The following EMSY variants were observed in gnomAD, a reference collection of about 807,000 sequenced individuals.
EMSY encodes BRCA2-interacting transcriptional repressor EMSY.
A neutral mutation model predicts 134.6 loss-of-function variants in EMSY; 26 were observed. The observed-to-expected ratio is 0.19, with a 90% CI of 0.14 to 0.27. The LOEUF (loss-of-function observed/expected upper bound fraction) is 0.27, where lower values mean the gene tolerates loss of function less well. Among genes scored for constraint, EMSY ranks in the 10% least tolerant of loss-of-function variants. The pLI is 1.00. For synonymous variants in EMSY, 579 were observed against 577.8 expected, an observed-to-expected ratio of 1.00 and a Z score of -0.03; for missense variants, 1,305 against 1,611.4, an observed-to-expected ratio of 0.81 and a Z score of 3.26.
At chr11:76,528,280 C>T (rs2136368945) in exon 14 of EMSY, 2 of 1,613,354 alleles carry the variant, frequency 1.2e-6, no homozygotes, top group Non-Finnish European at 1.7e-6. Context: ...TCTTATTAAA[C>T]CCAAACCAGT....
In EMSY at chr11:76,516,135, T is replaced by C; in HGVS notation, c.1514-7T>C. 1.2e-6 allele frequency: 2 copies of C among 1,606,922 alleles called. No homozygotes were observed. The highest frequency in any genetic ancestry group is 1.7e-6 in the Non-Finnish European group (2 of 1,177,104). On this transcript the variant is annotated splice_polypyrimidine_tract_variant and splice_region_variant and intron_variant, in intron 10 of 20. Transcript: ENST00000334736. ...AAGTTTTTCTTTTGGCTTTTCCCTT[T>C]CTGTAGGCACACAAGCAACCTATAC...
chr11:76,514,971 C>CT (rs949957868), intron 10 of EMSY, among the ~76,000 whole-genome samples: 4 of 151,100 alleles, frequency 2.6e-5, no homozygotes, highest in African/African-American at 4.9e-5. Flanking sequence ...ATAAGTGTTT[C>CT]TTTTTTTAAC....
chr11:76,545,713 C>T (rs1951620846), intron 19 of EMSY, 84 bp from the exon 21 acceptor site: 1 of 1,453,494 alleles, frequency 6.9e-7, no homozygotes, highest in East Asian at 2.3e-5. Flanking sequence ...ACGAATGTTT[C>T]TTTTGCCATA....
chr11:76,457,276 A>G (rs1947911440), intron 4 of EMSY, among the ~76,000 whole-genome samples: 1 of 152,210 alleles, frequency 6.6e-6, no homozygotes, highest in African/African-American at 2.4e-5. Flanking sequence ...TTTCAAATGC[A>G]GAAATATTTC....
chr11:76,465,066 C>T (rs1463530561), intron 7 of EMSY, among the ~76,000 whole-genome samples: 2 of 152,082 alleles, frequency 1.3e-5, no homozygotes, highest in Non-Finnish European at 2.9e-5. Flanking sequence ...TTTATTTCAT[C>T]GATTAGGTTG....
intron 8 of EMSY, among the ~76,000 whole-genome samples, chr11:76,473,905 G>A (rs1301464422): frequency 6.6e-6 from 1 of 152,034 alleles, no homozygotes; most frequent in African/African-American, 2.4e-5. Context: ...TGAGGCAGGA[G>A]AATCGTTTGG....
intron 9 of EMSY, among the ~76,000 whole-genome samples, chr11:76,506,127 A>G (rs1225959419): frequency 6.6e-6 from 1 of 152,102 alleles, no homozygotes; most frequent in Admixed American, 6.5e-5. Context: ...CTCTAAATAA[A>G]TAAATAAAAT....
chr11:76,544,351 G>A (rs768441290), exon 19 of EMSY: 33 of 1,614,132 alleles, frequency 2.0e-5, no homozygotes, highest in Non-Finnish European at 2.5e-5. Flanking sequence ...TAGACCCTCA[G>A]ACAGGTCTGT....
chr11:76,550,009 A>G, exon 21 of EMSY: 1 of 1,613,834 alleles, frequency 6.2e-7, no homozygotes, highest in Non-Finnish European at 8.5e-7. Context: ...GGTGGAGCCC[A>G]GTGGGCTTCT....
intron 7 of EMSY, among the ~76,000 whole-genome samples, chr11:76,469,555 T>G (rs1161243184): frequency 6.6e-6 from 1 of 152,248 alleles, no homozygotes; most frequent in Non-Finnish European, 1.5e-5. Flanking sequence ...CCTTTTCACA[T>G]TTATTAAGTA....
exon 19 of EMSY, chr11:76,544,714 C>T (rs769430634): frequency 2.5e-6 from 4 of 1,614,004 alleles, no homozygotes; most frequent in South Asian, 2.2e-5. Flanking sequence ...CGCAGCAGCT[C>T]CCTAAACTGC....
Position 76,526,517 on chromosome 11 carries a change from C to G in EMSY, c.1877C>G (p.Ala626Gly), listed in dbSNP as rs140304471. ...GGAGCAAAGCCAGCTATCCTTACTG[C>G]TACAAGACCCATCACCAAAATGATT... Residue 626 changes from alanine to glycine, a missense_variant, in exon 13 of 21, where the codon GCT becomes GGT. Around this residue, in one of 7 missense-constraint regions of EMSY, gnomAD observed 198 missense variants for 287.6 expected, o/e 0.69. Coordinates refer to ENST00000334736, the Ensembl canonical transcript of EMSY. 1.1e-5 allele frequency: 17 copies of G among 1,613,756 alleles called. No individual in the cohort carries two copies. In the African/African-American group the frequency reaches 1.7e-4, roughly 16 times the overall value.
intron 8 of EMSY, among the ~76,000 whole-genome samples, chr11:76,490,836 G>C (rs1949388992): frequency 1.3e-5 from 2 of 151,762 alleles, no homozygotes; most frequent in South Asian, 2.1e-4. Context: ...CTGGGTTCTG[G>C]ATATGTTCAT....
intron 12 of EMSY, among the ~76,000 whole-genome samples, chr11:76,523,847 C>T (rs1172024547): frequency 6.6e-6 from 1 of 151,026 alleles, no homozygotes; most frequent in Non-Finnish European, 1.5e-5. Context: ...GAGTTCAAGA[C>T]CAGCCTTGGC....
chr11:76,501,580 T>A (rs1949859382), intron 9 of EMSY, among the ~76,000 whole-genome samples: 1 of 152,070 alleles, frequency 6.6e-6, no homozygotes, highest in African/African-American at 2.4e-5. Flanking sequence ...CACGTGTAGA[T>A]CTGAACTGGC....
intron 4 of EMSY, 109 bp downstream of exon 4, chr11:76,453,497 T>C (rs1947750911): frequency 1.1e-6 from 1 of 940,430 alleles, no homozygotes; most frequent in Admixed American, 2.5e-5. Context: ...AGTAACAATA[T>C]CTCTATACTC....
intron 17 of EMSY, among the ~76,000 whole-genome samples, chr11:76,540,547 G>T (rs1325707413): frequency 2.0e-5 from 3 of 152,144 alleles, no homozygotes; most frequent in Non-Finnish European, 2.9e-5. Flanking sequence ...ATCACATGTA[G>T]ATATATGTAT....
rs1300609799 is a variant in EMSY at position 76,481,953 on chromosome 11, GAGACACCTCCCAGTAGGGGTTGAT to G, written c.1108+9123_1108+9146del. Among the ~76,000 whole-genome samples, 5 of 152,304 alleles carry G rather than the reference GAGACACCTCCCAGTAGGGGTTGAT, an allele frequency of 3.3e-5. No homozygotes were observed. The East Asian group carries it at 9.7e-4, about 29-fold the overall frequency. ...CCTGACCTCCATGCCTCCTGACTGG[GAGACACCTCCCAGTAGGGGTTGAT>G]AGACACCTCATACAGGAGAGCTCTG... On this transcript the variant is annotated intron_variant, in intron 8 of 20. Coordinates refer to ENST00000334736, the Ensembl canonical transcript of EMSY.
At chr11:76,543,484 G>C (rs898962542) in intron 18 of EMSY, among the ~76,000 whole-genome samples, 2 of 152,202 alleles carry the variant, frequency 1.3e-5, no homozygotes, top group South Asian at 2.1e-4. Context: ...CCGGCCCTCA[G>C]CTGGCAGCTC....
Sources: gnomAD v4.1 joint callset for allele counts (sites outside exome capture counted in the v4.1 genomes callset) on GRCh38, gnomAD v4.1.1 for gene constraint, gnomAD v4.1.1 regional missense constraint, MANE v1.5 for transcripts, NCBI Gene and HGNC (gene_info 2026-07-23, HGNC 2026-07-21) for gene names.